Variants in PTPRN2 observed in about 807,000 individuals in gnomAD.
The protein encoded by PTPRN2 is protein tyrosine phosphatase receptor type N2.
A neutral mutation model predicts 118.8 loss-of-function variants in PTPRN2; 74 were observed. The ratio of observed to expected loss-of-function variants is 0.62; its 90% CI spans 0.52 to 0.76. PTPRN2 has a LOEUF of 0.76. PTPRN2 is among the 30% of genes least tolerant of loss of function. The pLI is 0.00. For synonymous variants in PTPRN2, 641 were observed against 608.0 expected (o/e 1.05, Z -0.80); for missense variants, 1,481 against 1,394.4 (o/e 1.06, Z -0.99).
At chr7:158,185,859 AGCT>A (rs1825088721) in intron 5 of PTPRN2, among the ~76,000 whole-genome samples, 1 of 152,120 alleles carries the variant, frequency 6.6e-6, no homozygotes, top group Admixed American at 6.5e-5. Flanking sequence ...GAGTTTCTGA[AGCT>A]TCTCTTCCCC....
Position 158,510,331 on chromosome 7 carries a change from C to T in PTPRN2, c.113-20546G>A, listed in dbSNP as rs144065356. On this transcript the variant is annotated intron_variant, in intron 1 of 22. Coordinates refer to ENST00000389418, the MANE Select transcript of PTPRN2 (RefSeq NM_002847.5). Reference sequence around the variant, plus strand: ...GGAAACATTTCACCAACTCAGCCCACGGCACCCACACCAGGTGCTCATAGA... The same window carrying T: ...GGAAACATTTCACCAACTCAGCCCATGGCACCCACACCAGGTGCTCATAGA... Among the ~76,000 whole-genome samples the T allele has an allele frequency of 9.8e-3, 1,493 of 152,288 alleles. 22 individuals carry two copies. Among genetic ancestry groups the T allele is most frequent in the African/African-American group, 0.034 (1,405 of 41,546 alleles).
In PTPRN2 at chr7:157,861,283, T is replaced by G. The variant is rs1216881710; in HGVS notation, c.1788+37390A>C. On this transcript the variant is annotated intron_variant, in intron 12 of 22. Transcript: ENST00000389418. This position sits in a 1 kb window ranked among gnomAD's most constrained non-coding sequence, Gnocchi z 5.8. ...ACAATAATGGAACCGAAGCCCTCTG[T>G]GGGGAATCCGTGGGAGGATGAGAGG... Among the ~76,000 whole-genome samples the G allele has an allele frequency of 6.6e-6, 1 of 152,204 alleles. No homozygotes were observed. The highest frequency in any genetic ancestry group is 2.4e-5 in the African/African-American group (1 of 41,452).
chr7:158,491,111 G>T (rs1282567949), intron 1 of PTPRN2, among the ~76,000 whole-genome samples: 3 of 152,220 alleles, frequency 2.0e-5, no homozygotes, highest in Non-Finnish European at 2.9e-5. Flanking sequence ...GAAGCCCTTG[G>T]TTGCCTTAAA....
intron 14 of PTPRN2, among the ~76,000 whole-genome samples, chr7:157,646,792 C>T (rs2150709665): frequency 6.6e-6 from 1 of 152,352 alleles, no homozygotes; most frequent in East Asian, 1.9e-4. Context: ...ATACTTGGGT[C>T]TGCACCGGGC....
Position 157,674,767 on chromosome 7 carries a change from G to T in PTPRN2, c.2001+7958C>A, listed in dbSNP as rs182232219. 3.8e-3 allele frequency among the ~76,000 whole-genome samples: 583 copies of T among 152,370 alleles called. 5 individuals carry two copies. The highest frequency in any genetic ancestry group is 4.8e-3 in the Non-Finnish European group (325 of 68,030). On this transcript the variant is annotated intron_variant, in intron 13 of 22. Transcript: ENST00000389418. The surrounding 1 kb of genome is among the most constrained non-coding windows in gnomAD (Gnocchi z 4.5). ...GTACACGCCTGTGGAGTCCCACCCTGTCGTGTGCACGAGGCTGTCACCTGG... is the reference window on the plus strand; with the variant it reads ...GTACACGCCTGTGGAGTCCCACCCTTTCGTGTGCACGAGGCTGTCACCTGG...
chr7:157,847,133 C>T (rs1187584495), intron 12 of PTPRN2, among the ~76,000 whole-genome samples: 2 of 141,304 alleles, frequency 1.4e-5, no homozygotes, highest in African/African-American at 2.7e-5. Flanking sequence ...CTACAGAGCC[C>T]TCTCTCACTC....
intron 3 of PTPRN2, among the ~76,000 whole-genome samples, chr7:158,231,327 C>T (rs1281750343): frequency 6.6e-6 from 1 of 152,182 alleles, no homozygotes; most frequent in East Asian, 1.9e-4. Flanking sequence ...AGCGGCTGTG[C>T]TTATATCAGA....
chr7:157,671,659 G>C lies in PTPRN2; in HGVS notation c.2001+11066C>G, dbSNP rs1796421379. 6.6e-6 allele frequency among the ~76,000 whole-genome samples: 1 copy of C among 152,162 alleles called. No homozygotes were observed. The highest frequency in any genetic ancestry group is 2.1e-4 in the South Asian group (1 of 4,826). On this transcript the variant is annotated intron_variant, in intron 13 of 22. Coordinates refer to ENST00000389418, the MANE Select transcript of PTPRN2 (RefSeq NM_002847.5). This position sits in a 1 kb window ranked among gnomAD's most constrained non-coding sequence, Gnocchi z 4.1. ...TTAATTAAGCCAAAGGAAGGGCAGG[G>C]GCATGCGGGCTGGGGGCGGAGCGGC...
rs899882599 is a variant in PTPRN2, at chr7:158,146,457, C to A, written c.911-7942G>T. On this transcript the variant is annotated intron_variant, in intron 6 of 22. Coordinates refer to ENST00000389418, the MANE Select transcript of PTPRN2 (RefSeq NM_002847.5). Reference sequence around the variant, plus strand: ...AAATAATAGGCTGGGCTTGGTGGCTCACACCTGTAATCCCAGCACTTTGGG... The same window carrying A: ...AAATAATAGGCTGGGCTTGGTGGCTAACACCTGTAATCCCAGCACTTTGGG... Among the ~76,000 whole-genome samples the A allele has an allele frequency of 4.6e-5, 7 of 152,058 alleles. No individual in the cohort carries two copies. In the South Asian group the frequency reaches 1.0e-3, roughly 23 times the overall value.
intron 6 of PTPRN2, among the ~76,000 whole-genome samples, chr7:158,140,377 G>C (rs1207084716): frequency 6.6e-6 from 1 of 152,254 alleles, no homozygotes; most frequent in African/African-American, 2.4e-5. Context: ...CGAGAGAAGT[G>C]AAACCCGTAA....
At chr7:158,338,523 G>A (rs1586363267) in intron 2 of PTPRN2, among the ~76,000 whole-genome samples, 1 of 100,304 alleles carries the variant, frequency 1.0e-5, no homozygotes, top group Non-Finnish European at 2.0e-5. Context: ...GCCTGCAGAC[G>A]TCACTCACAC....
intron 2 of PTPRN2, among the ~76,000 whole-genome samples, chr7:158,326,620 GCACATT>G (rs1168757057): frequency 4.7e-5 from 7 of 150,408 alleles, no homozygotes; most frequent in Non-Finnish European, 1.0e-4. Flanking sequence ...TCACACACAT[GCACATT>G]CTCACATGCA....
intron 17 of PTPRN2, among the ~76,000 whole-genome samples, chr7:157,582,070 G>C (rs545873026): frequency 2.3e-4 from 35 of 152,312 alleles, no homozygotes; most frequent in African/African-American, 8.2e-4. Flanking sequence ...CCAGAACTGC[G>C]AGGGGATGCC....
intron 1 of PTPRN2, among the ~76,000 whole-genome samples, chr7:158,528,057 G>C (rs1293981287): frequency 6.6e-6 from 1 of 152,242 alleles, no homozygotes; most frequent in Non-Finnish European, 1.5e-5. Context: ...GACAGCCGAG[G>C]AGCTGCTCCT....
At chr7:158,085,204 T>G (rs369287334) in intron 10 of PTPRN2, among the ~76,000 whole-genome samples, 1 of 86,180 alleles carries the variant, frequency 1.2e-5, no homozygotes, top group Non-Finnish European at 2.2e-5. Context: ...TCCACACCCT[T>G]GACGCCCATC....
chr7:157,548,999 C>A lies in PTPRN2; in HGVS notation c.2923G>T (p.Ala975Ser), dbSNP rs574417138. The change falls in exon 22 of 23, where the codon GCA (alanine) becomes TCA (serine). Residue 975 changes from alanine to serine, a missense_variant. By Grantham distance (99) the Ala-to-Ser change is moderately conservative. Transcript: ENST00000389418. ...MAKGAKEIDI[A>S]ATLEHLRDQR... ...TCCCTCAAGTGCTCCAGGGTCGCTG[C>A]GATATCAATCTCTTTAGCACCTGCA... 2 of 1,614,174 alleles carry A rather than the reference C, an allele frequency of 1.2e-6. No individual in the cohort carries two copies. The highest frequency in any genetic ancestry group is 2.2e-5 in the South Asian group (2 of 91,086).
chr7:157,765,168 TCCATCCAA>T (rs1254854689), intron 12 of PTPRN2, among the ~76,000 whole-genome samples: 1 of 150,416 alleles, frequency 6.6e-6, no homozygotes, highest in Non-Finnish European at 1.5e-5. Flanking sequence ...CCTTCTTTTA[TCCATCCAA>T]CCATCCATCC....
rs147997724 is a variant in PTPRN2 at position 158,100,941 on chromosome 7, G to A, written c.1643+9888C>T. ...TAGAATCAATATTGTGAAAATGACCGTACTGCCAAAAGCAATCTACAAATT... is the reference window on the plus strand; with the variant it reads ...TAGAATCAATATTGTGAAAATGACCATACTGCCAAAAGCAATCTACAAATT... On this transcript the variant is annotated intron_variant, in intron 10 of 22. Transcript: ENST00000389418. 1.9e-3 allele frequency among the ~76,000 whole-genome samples: 291 copies of A among 152,198 alleles called. 1 individual carries two copies. Among genetic ancestry groups the A allele is most frequent in the Non-Finnish European group, 3.4e-3 (233 of 68,010 alleles).
chr7:158,421,459 A>T (rs550367909), intron 2 of PTPRN2, among the ~76,000 whole-genome samples: 1 of 152,202 alleles, frequency 6.6e-6, no homozygotes, highest in South Asian at 2.1e-4. Flanking sequence ...AGTTTTTGCC[A>T]TATTTTCCTC....
Sources: gnomAD v4.1 joint callset for allele counts (sites outside exome capture counted in the v4.1 genomes callset) on GRCh38, gnomAD v4.1.1 for gene constraint, Gnocchi (gnomAD v3.1) non-coding constraint, MANE v1.5 for transcripts, NCBI Gene and HGNC (gene_info 2026-07-23, HGNC 2026-07-21) for gene names.